ANO7: variants seen among roughly 807,000 people sequenced by gnomAD.
The protein encoded by ANO7 is anoctamin-7.
A neutral mutation model predicts 115.8 loss-of-function variants in ANO7; 114 were observed. The observed-to-expected ratio is 0.98, with a 90% CI of 0.85 to 1.15. The LOEUF (loss-of-function observed/expected upper bound fraction) is 1.15. Ranked by LOEUF, ANO7 falls within the 50% of genes most tolerant of loss-of-function variation. The probability of loss-of-function intolerance (pLI) is 0.00; values close to 1 mark genes in which losing one functional copy is unlikely to be tolerated. For missense variants in ANO7, 1,302 were observed against 1,201.2 expected (o/e 1.08, Z -1.24); for synonymous variants, 550 against 498.2 (o/e 1.10, Z -1.38).
rs761765454 is a variant in ANO7, at chr2:241,224,113, C to T, written c.2600C>T (p.Thr867Ile). The T allele has an allele frequency of 1.2e-6, 2 of 1,614,114 alleles. No homozygotes were observed. Among genetic ancestry groups the T allele is most frequent in the Admixed American group, 3.3e-5 (2 of 60,024 alleles). The change falls in exon 25 of 25, where the codon ACA becomes ATA. Residue 867 changes from threonine (T) to isoleucine (I), a missense_variant. Physicochemically the swap from Thr to Ile is moderately conservative, Grantham distance 89 (BLOSUM62 -1). Coordinates refer to ENST00000674324, the MANE Select transcript of ANO7 (RefSeq NM_001370694.2). ...TCTCCCCAGCTCAGCTCCCACTGGA[C>T]ACCCTTCACGGTTCCCAAGGCCAGC... is the stretch of plus-strand genomic sequence containing the variant. ...PEGSELSSHW[T>I]PFTVPKASQL...
intron 24 of ANO7, 43 bp from the exon 25 acceptor site, chr2:241,224,054 T>TG: frequency 6.2e-7 from 1 of 1,613,458 alleles, no homozygotes; most frequent in Non-Finnish European, 8.5e-7. Context: ...GGCCTGCTCC[T>TG]GGCCCTAGTC....
Position 241,190,168 on chromosome 2 carries a change from G to A in ANO7, c.105G>A (p.Ser35=), listed in dbSNP as rs61749471. ...CTTACGGGAGCACAGCCCACGCCTC[G>A]GAGGTAACAGCACCCAGGAGACTGT... ...RGSYGSTAHA[S]EPGGQQAAAC... is the part of the protein sequence containing the mutation. The change falls in exon 2 of 25, where the codon TCG becomes TCA. Residue 35 remains serine, a synonymous_variant. Coordinates refer to ENST00000674324, the MANE Select transcript of ANO7 (RefSeq NM_001370694.2). 3,486 of 1,558,282 alleles carry A rather than the reference G, an allele frequency of 2.2e-3. 61 individuals are homozygous for A. The African/African-American group carries it at 0.033, about 15-fold the overall frequency.
Position 241,203,366 on chromosome 2 carries a change from G to C in ANO7, c.757G>C (p.Ala253Pro). 1 of 1,587,320 alleles carries C rather than the reference G, an allele frequency of 6.3e-7. No individual in the cohort carries two copies. The highest frequency in any genetic ancestry group is 1.8e-5 in the Admixed American group (1 of 56,082). The change falls in exon 9 of 25, where the codon GCT becomes CCT. Residue 253 changes from alanine to proline, a missense_variant. Ala to Pro is a conservative substitution (Grantham distance 27). Transcript: ENST00000674324. The surrounding 1 kb of genome is among the most constrained non-coding windows in gnomAD (Gnocchi z 4.8). ...PFKTPPEGPQ[A>P]PRLNQRQVLF... ...CAAGACGCCCCCAGAGGGCCCGCAG[G>C]CTCCACGCCTCAACCAGCGCCAAGT...
At position 241,217,886 on chromosome 2, in the gene ANO7, A is replaced by T. The variant is rs746738390; in HGVS notation, c.2173A>T (p.Ser725Cys). The change falls in exon 20 of 25, where the codon AGC (serine) becomes TGC (cysteine). Residue 725 changes from serine to cysteine, a missense_variant. Transcript: ENST00000674324. ...LAGLTHLAVISNAFLLAFSSD... is the reference protein window; with the variant it reads ...LAGLTHLAVICNAFLLAFSSD... ...GGGCCTCACGCACCTGGCGGTCATC[A>T]GCAACGTGAGGCCCGGGCGGGAGCG... is the stretch of plus-strand genomic sequence containing the variant. 1.9e-6 allele frequency: 3 copies of T among 1,569,818 alleles called. No individual in the cohort carries two copies. The highest frequency in any genetic ancestry group is 2.3e-5 in the East Asian group (1 of 43,106).
intron 24 of ANO7, 50 bp downstream of exon 24, chr2:241,224,005 C>A (rs373042615): frequency 4.9e-5 from 79 of 1,613,682 alleles, no homozygotes; most frequent in Non-Finnish European, 6.6e-5. Context: ...CCTGAGGTCA[C>A]AGGGCCCTGC....
At chr2:241,239,529 G>A in the ANO7 span, 41 of 1,254,216 alleles carry the variant, frequency 3.3e-5, no homozygotes, top group South Asian at 2.9e-4. The surrounding 1 kb of genome is among the most constrained non-coding windows in gnomAD (Gnocchi z 4.6). Context: ...AGGGTGGAGC[G>A]AACACTCATA....
intron 4 of ANO7, among the ~76,000 whole-genome samples, chr2:241,196,803 G>A (rs1230761814): frequency 6.7e-6 from 1 of 150,084 alleles, no homozygotes. Flanking sequence ...TCCCAGTCTG[G>A]GATGATTATG....
At chr2:241,217,197 C>T (rs973742810) in intron 19 of ANO7, among the ~76,000 whole-genome samples, 2 of 152,182 alleles carry the variant, frequency 1.3e-5, no homozygotes, top group Non-Finnish European at 2.9e-5. Context: ...CCAGCGTAGC[C>T]GCGGCATCTG....
chr2:241,236,766 T>C, the ANO7 span: 2 of 1,613,776 alleles, frequency 1.2e-6, no homozygotes, highest in Non-Finnish European at 8.5e-7. Flanking sequence ...CTCTGTACTG[T>C]GAACTAGAGA....
the ANO7 span, among the ~76,000 whole-genome samples, chr2:241,234,362 G>A: frequency 6.6e-6 from 1 of 152,214 alleles, no homozygotes; most frequent in Non-Finnish European, 1.5e-5. Context: ...AGACCAAGAA[G>A]AGGGGGCAGC....
At chr2:241,230,528 G>T (rs528231324), downstream of ANO7, among the ~76,000 whole-genome samples, 10 of 152,328 alleles carry the variant, frequency 6.6e-5, 1 homozygote, top group South Asian at 1.7e-3. The surrounding 1 kb of genome is among the most constrained non-coding windows in gnomAD (Gnocchi z 5.0). Context: ...GGACGAGCTC[G>T]CCAGGCAGCT....
the ANO7 span, among the ~76,000 whole-genome samples, chr2:241,237,431 C>A: frequency 6.6e-6 from 1 of 152,136 alleles, no homozygotes; most frequent in African/African-American, 2.4e-5. Context: ...AAAACAGACA[C>A]AACAATAATT....
At chr2:241,218,094 G>T (rs1332640234) in intron 20 of ANO7, 145 bp from the exon 21 acceptor site, 1 of 331,512 alleles carries the variant, frequency 3.0e-6, no homozygotes. Flanking sequence ...GCAGGGGCGG[G>T]GCGGGGGGGG....
chr2:241,229,588 T>A (rs769609365), downstream of ANO7: 1 of 1,604,998 alleles, frequency 6.2e-7, no homozygotes, highest in Admixed American at 1.7e-5. Flanking sequence ...GAGGGTTCTG[T>A]TCTTTTTGAT....
the ANO7 span, among the ~76,000 whole-genome samples, chr2:241,232,082 T>C: frequency 6.6e-6 from 1 of 152,006 alleles, no homozygotes; most frequent in East Asian, 1.9e-4. Flanking sequence ...AATGCCAGAG[T>C]GGGAGGCAGC....
At chr2:241,195,611 C>G in intron 3 of ANO7, 92 bp from the exon 4 acceptor site, 1 of 1,291,470 alleles carries the variant, frequency 7.7e-7, no homozygotes, top group Non-Finnish European at 1.1e-6. Context: ...CATGGCTCCC[C>G]ACTGCGTCCC....
intron 21 of ANO7, among the ~76,000 whole-genome samples, chr2:241,222,957 G>A (rs1293027426): frequency 6.6e-6 from 1 of 152,160 alleles, no homozygotes; most frequent in Non-Finnish European, 1.5e-5. Flanking sequence ...TAGCCCAATG[G>A]GGGACAACCC....
chr2:241,232,391 TCA>T, the ANO7 span, among the ~76,000 whole-genome samples: 1 of 152,024 alleles, frequency 6.6e-6, no homozygotes, highest in Non-Finnish European at 1.5e-5. Flanking sequence ...TTCTCACGTC[TCA>T]GTCTCCCGAG....
rs1574765323 is a variant in ANO7 at position 241,199,428 on chromosome 2, G to A, written c.417+5G>A. On this transcript the variant is annotated splice_donor_5th_base_variant and intron_variant, in intron 5 of 24. Coordinates refer to ENST00000674324, the MANE Select transcript of ANO7 (RefSeq NM_001370694.2). Reference sequence around the variant, plus strand: ...CGCCTGAAGCTGCCCTTGCAGGTACGTGGGAGGCATGGGGACAGGGTGGGC... The same window carrying A: ...CGCCTGAAGCTGCCCTTGCAGGTACATGGGAGGCATGGGGACAGGGTGGGC... 5.6e-6 allele frequency: 9 copies of A among 1,613,544 alleles called. No individual in the cohort carries two copies. The highest frequency in any genetic ancestry group is 2.2e-5 in the East Asian group (1 of 44,886).
Sources: gnomAD v4.1 joint callset for allele counts (sites outside exome capture counted in the v4.1 genomes callset) on GRCh38, gnomAD v4.1.1 for gene constraint, Gnocchi (gnomAD v3.1) non-coding constraint, MANE v1.5 for transcripts, NCBI Gene and HGNC (gene_info 2026-07-23, HGNC 2026-07-21) for gene names.